Variants in PTCD2 observed in about 807,000 individuals in gnomAD.
PTCD2 encodes the protein pentatricopeptide repeat domain 2, also known as pentatricopeptide repeat-containing protein 2, mitochondrial.
In PTCD2, 31 loss-of-function variants were observed where a neutral mutation model predicts 42.6. The ratio of observed to expected loss-of-function variants is 0.73; its 90% CI spans 0.55 to 0.98. PTCD2 has a LOEUF of 0.98. Among genes scored for constraint, PTCD2 ranks in the 50% least tolerant of loss-of-function variants. PTCD2 has a pLI of 0.00. For synonymous variants in PTCD2, 183 were observed against 170.9 expected, an observed-to-expected ratio of 1.07 and a Z score of -0.55; for missense variants, 476 against 454.8, an observed-to-expected ratio of 1.05 and a Z score of -0.42.
chr5:72,346,410 G>A (rs994714911), intron 8 of PTCD2, among the ~76,000 whole-genome samples: 2 of 152,214 alleles, frequency 1.3e-5, no homozygotes, highest in African/African-American at 4.8e-5. Context: ...CACCAGAAAA[G>A]AGAGGGAAGG....
At chr5:72,321,928 G>A (rs572407657) in intron 1 of PTCD2, among the ~76,000 whole-genome samples, 2 of 152,128 alleles carry the variant, frequency 1.3e-5, no homozygotes, top group East Asian at 1.9e-4. Flanking sequence ...CACTAGCTAC[G>A]GTTAATCACT....
chr5:72,352,289 A>G (rs1752661251), intron 8 of PTCD2, among the ~76,000 whole-genome samples: 1 of 152,182 alleles, frequency 6.6e-6, no homozygotes. Flanking sequence ...CTGGGATTAC[A>G]GGTTCATGTC....
Position 72,367,170 on chromosome 5 carries a change from T to C in PTCD2, c.*8743T>C, listed in dbSNP as rs1753224384. Reference sequence around the variant, plus strand: ...AGTGAGGGAAATGTTGGATTCCCGGTGTATTTATCACTGCCCATCTCTAAG... The same window carrying C: ...AGTGAGGGAAATGTTGGATTCCCGGCGTATTTATCACTGCCCATCTCTAAG... On this transcript the variant is annotated 3_prime_UTR_variant, in exon 10 of 10. Transcript: ENST00000380639. The C allele has an allele frequency of 6.6e-6, 1 of 152,230 alleles. No individual in the cohort carries two copies. Among genetic ancestry groups the C allele is most frequent in the Non-Finnish European group, 1.5e-5 (1 of 68,036 alleles). 9.4% of individuals were successfully genotyped at this position (152,230 alleles called of 1,614,324 possible). A position where few individuals can be genotyped will look rare whatever the true frequency, so the allele number is the denominator to read the frequency against.
chr5:72,352,630 T>G lies in PTCD2; in HGVS notation c.829-11T>G, dbSNP rs1020902821. The G allele has an allele frequency of 4.4e-6, 6 of 1,364,552 alleles. No individual in the cohort carries two copies. Among genetic ancestry groups the G allele is most frequent in the Non-Finnish European group, 6.3e-6 (6 of 957,862 alleles). 84.5% of individuals were successfully genotyped at this position (1,364,552 alleles called of 1,614,324 possible). ...CAGTCTTGGTTTTGCTTGTGTCTTC[T>G]TAATATTCAGATTATAATCCATATC... On this transcript the variant is annotated splice_polypyrimidine_tract_variant and intron_variant, in intron 8 of 9. Transcript: ENST00000380639.
rs902244380 is a variant in PTCD2 at position 72,366,427 on chromosome 5, G to T, written c.*8000G>T. ...TTTGAACCCAGGAGGTCTGATGCTGGAGGTCATGTTTTTAACCTTATCTCT... is the reference window on the plus strand; with the variant it reads ...TTTGAACCCAGGAGGTCTGATGCTGTAGGTCATGTTTTTAACCTTATCTCT... On this transcript the variant is annotated 3_prime_UTR_variant, in exon 10 of 10. Transcript: ENST00000380639. 14 of 152,212 alleles carry T rather than the reference G, an allele frequency of 9.2e-5. No homozygotes were observed. The highest frequency in any genetic ancestry group is 2.1e-4 in the Non-Finnish European group (14 of 68,052). The allele number at this position is 152,212 out of a possible 1,614,324, so 9.4% of individuals were successfully genotyped here.
At chr5:72,337,546 A>G (rs1338326096) in intron 6 of PTCD2, among the ~76,000 whole-genome samples, 1 of 152,168 alleles carries the variant, frequency 6.6e-6, no homozygotes, top group Non-Finnish European at 1.5e-5. Context: ...CTGTAATCCC[A>G]GCACTTTGGG....
intron 7 of PTCD2, among the ~76,000 whole-genome samples, chr5:72,342,623 G>C (rs888339186): frequency 2.0e-5 from 3 of 152,136 alleles, no homozygotes; most frequent in African/African-American, 7.2e-5. Flanking sequence ...GTGGCTTGAG[G>C]TTTCTATGTT....
chr5:72,321,538 G>C (rs947788670), intron 1 of PTCD2, among the ~76,000 whole-genome samples: 7 of 152,232 alleles, frequency 4.6e-5, no homozygotes, highest in African/African-American at 7.2e-5. Flanking sequence ...AACTCTGTTA[G>C]TGCGTGATTC....
rs557209377 is a variant in PTCD2, at chr5:72,348,297, GA to G, written c.829-4343del. On this transcript the variant is annotated intron_variant, in intron 8 of 9. Transcript: ENST00000380639. ...TATTAATTATTGAGAGATGGAAACT[GA>G]CAGATAGGCTGAGTAGTGTCTGTTT... Among the ~76,000 whole-genome samples the G allele has an allele frequency of 1.1e-4, 16 of 152,330 alleles. No homozygotes were observed. In the South Asian group the frequency reaches 2.7e-3, roughly 26 times the overall value.
intron 8 of PTCD2, among the ~76,000 whole-genome samples, chr5:72,349,272 G>A (rs781074248): frequency 6.6e-6 from 1 of 152,124 alleles, no homozygotes; most frequent in Non-Finnish European, 1.5e-5. Context: ...TTTTAAAGAC[G>A]CTTTCTCAAA....
intron 2 of PTCD2, among the ~76,000 whole-genome samples, chr5:72,323,822 A>AT (rs1461902425): frequency 1.3e-5 from 2 of 151,030 alleles, no homozygotes; most frequent in African/African-American, 4.9e-5. Flanking sequence ...TTAATTTTTA[A>AT]TTTTTTTTTG....
rs373700014 is a variant in PTCD2, at chr5:72,326,522, C to T, written c.221-90C>T. ...CTCTCAGTGCCCCTCTGCAGTGAGC[C>T]GGGGTTGGGCTTCCCCATCTTCCTG... On this transcript the variant is annotated intron_variant, in intron 2 of 9. Transcript: ENST00000380639. 312 of 1,415,384 alleles carry T rather than the reference C, an allele frequency of 2.2e-4. No homozygotes were observed. The African/African-American group carries it at 3.9e-3, about 18-fold the overall frequency. The allele number at this position is 1,415,384 out of a possible 1,614,324, so 87.7% of individuals were successfully genotyped here.
chr5:72,361,587 G>A lies in PTCD2; in HGVS notation c.*3160G>A, dbSNP rs62364788. On this transcript the variant is annotated 3_prime_UTR_variant, in exon 10 of 10. Coordinates refer to ENST00000380639, the MANE Select transcript of PTCD2 (RefSeq NM_024754.5). ...GCCCCCCCAGATTCAAATGGAGGGA[G>A]CATATATCCCATCTCAGTGGTAGGA... 0.23 allele frequency: 35,493 copies of A among 152,126 alleles called. 5,307 individuals are homozygous for A. The highest frequency in any genetic ancestry group is 0.34 in the Non-Finnish European group (22,837 of 67,972). The allele number at this position is 152,126 out of a possible 1,614,324, so 9.4% of individuals were successfully genotyped here. A position where few individuals can be genotyped will look rare whatever the true frequency, so the allele number is the denominator to read the frequency against.
chr5:72,352,763 G>A lies in PTCD2; in HGVS notation c.942+9G>A, dbSNP rs41271125. 47,565 of 1,290,476 alleles carry A rather than the reference G, an allele frequency of 0.037. 1,461 individuals are homozygous for A. Among genetic ancestry groups the A allele is most frequent in the African/African-American group, 0.16 (10,683 of 68,350 alleles). The allele number at this position is 1,290,476 out of a possible 1,614,324, so 79.9% of individuals were successfully genotyped here. A position where few individuals can be genotyped will look rare whatever the true frequency, so the allele number is the denominator to read the frequency against. On this transcript the variant is annotated intron_variant, in intron 9 of 9. Transcript: ENST00000380639. ...TGTTCTCGGAGGAAGTGGTGAGTAT[G>A]CAAGTGCTGCAGAAATCATTTAAAA... is the stretch of plus-strand genomic sequence containing the variant.
chr5:72,341,193 G>T (rs1055255573), intron 7 of PTCD2, among the ~76,000 whole-genome samples: 1 of 151,878 alleles, frequency 6.6e-6, no homozygotes. Flanking sequence ...GTTTCACCAT[G>T]TTGGCCATGC....
At chr5:72,326,286 A>T (rs1751132837) in intron 2 of PTCD2, among the ~76,000 whole-genome samples, 1 of 152,182 alleles carries the variant, frequency 6.6e-6, no homozygotes, top group Non-Finnish European at 1.5e-5. Context: ...AAGCCTCTGG[A>T]ACAGTAATTC....
chr5:72,331,199 G>C, intron 3 of PTCD2, 59 bp from the exon 4 acceptor site: 1 of 1,078,826 alleles, frequency 9.3e-7, no homozygotes, highest in Non-Finnish European at 1.4e-6. Flanking sequence ...GCCATAGTCT[G>C]TGTCTGTCCT....
At position 72,331,275 on chromosome 5, in the gene PTCD2, A is replaced by C. The variant is rs1314734850; in HGVS notation, c.368A>C (p.Lys123Thr). 6.2e-7 allele frequency: 1 copy of C among 1,613,540 alleles called. No individual in the cohort carries two copies. The highest frequency in any genetic ancestry group is 8.5e-7 in the Non-Finnish European group (1 of 1,179,444). The change falls in exon 4 of 10, where the codon AAA becomes ACA. Residue 123 changes from lysine (K) to threonine (T), a missense_variant. Lys to Thr is a moderately conservative substitution (Grantham distance 78). Transcript: ENST00000380639. ...ATTACCAGGTACCATGCAGAGAACAAAAATTTCACTTTGGGGGAGTATAAA... is the reference window on the plus strand; with the variant it reads ...ATTACCAGGTACCATGCAGAGAACACAAATTTCACTTTGGGGGAGTATAAA... ...NVIYRYHAEN[K>T]NFTLGEYKFG...
At chr5:72,345,905 C>T (rs924564175) in intron 8 of PTCD2, among the ~76,000 whole-genome samples, 7 of 152,124 alleles carry the variant, frequency 4.6e-5, no homozygotes, top group African/African-American at 1.7e-4. Context: ...TGCATAACTC[C>T]AAACTTCTGA....
Sources: allele counts gnomAD v4.1 joint callset (sites outside exome capture counted in the v4.1 genomes callset), GRCh38; gene constraint gnomAD v4.1.1; transcripts MANE v1.5; gene names NCBI Gene and HGNC (gene_info 2026-07-23, HGNC 2026-07-21).